Variants in SH3BP5 observed in about 807,000 individuals in gnomAD.
SH3BP5 encodes the protein SH3 domain binding protein 5.
A neutral mutation model predicts 43.3 loss-of-function variants in SH3BP5; 22 were observed. The ratio of observed to expected loss-of-function variants is 0.51; its 90% CI spans 0.36 to 0.73. The LOEUF (loss-of-function observed/expected upper bound fraction) is 0.73, where lower values mean the gene tolerates loss of function less well. SH3BP5 is among the 30% of genes least tolerant of loss of function. The probability of loss-of-function intolerance (pLI) is 0.00; values close to 1 mark genes in which losing one functional copy is unlikely to be tolerated. For missense variants in SH3BP5, 529 were observed against 586.9 expected (o/e 0.90, Z 1.02); for synonymous variants, 255 against 225.8 (o/e 1.13, Z -1.16).
intron 2 of SH3BP5, among the ~76,000 whole-genome samples, chr3:15,324,726 T>A (rs979585961): frequency 1.3e-5 from 2 of 152,034 alleles, no homozygotes; most frequent in Non-Finnish European, 2.9e-5. Flanking sequence ...TGTCCTTTGA[T>A]AGAGGAATTT....
chr3:15,332,536 C>G lies in SH3BP5; in HGVS notation c.-128G>C, dbSNP rs1434978791. On this transcript the variant is annotated 5_prime_UTR_variant, in exon 1 of 9. Transcript: ENST00000383791. The stretch of plus-strand genomic sequence containing the variant: ...TCGGGGAGCCGCCGGGGCCGACACC[C>G]GGGAGACGCAGCTCGCCGATGCGGA... 1.6e-6 allele frequency: 2 copies of G among 1,244,082 alleles called. No homozygotes were observed. The highest frequency in any genetic ancestry group is 2.0e-6 in the Non-Finnish European group (2 of 996,802). The allele number at this position is 1,244,082 out of a possible 1,614,324, so 77.1% of individuals were successfully genotyped here.
At chr3:15,265,512 T>TCTCACACACACA (rs1318765546) in intron 4 of SH3BP5, among the ~76,000 whole-genome samples, 33 of 107,988 alleles carry the variant, frequency 3.1e-4, no homozygotes, top group Middle Eastern at 4.6e-3. Flanking sequence ...CGAGACTCCG[T>TCTCACACACACA]CACACACACA....
At chr3:15,256,657 A>G in intron 8 of SH3BP5, 196 bp downstream of exon 8, 4 of 638,506 alleles carry the variant, frequency 6.3e-6, no homozygotes, top group Non-Finnish European at 1.1e-5. Flanking sequence ...TACTTTATAG[A>G]AGCTGAGTGG....
chr3:15,283,128 T>A lies in SH3BP5; in HGVS notation c.331-13251A>T, dbSNP rs1967596. Among the ~76,000 whole-genome samples the A allele has an allele frequency of 1.8e-4, 27 of 152,342 alleles. No homozygotes were observed. The South Asian group carries it at 5.6e-3, about 32-fold the overall frequency. On this transcript the variant is annotated intron_variant, in intron 3 of 8. Coordinates refer to ENST00000383791, the MANE Select transcript of SH3BP5 (RefSeq NM_004844.5). ...AAAAGTAAAACAAGACCAGGTGCGGTGGCTCACGCCTGTAATCTCAGCACT... is the reference window on the plus strand; with the variant it reads ...AAAAGTAAAACAAGACCAGGTGCGGAGGCTCACGCCTGTAATCTCAGCACT...
At chr3:15,269,634 A>G in intron 4 of SH3BP5, 79 bp downstream of exon 4, 2 of 1,417,488 alleles carry the variant, frequency 1.4e-6, no homozygotes, top group Admixed American at 2.5e-5. Flanking sequence ...CTGGGAGTCG[A>G]GTCTGTTACC....
chr3:15,336,446 T>C (rs180799761), upstream of SH3BP5, among the ~76,000 whole-genome samples: 295 of 152,228 alleles, frequency 1.9e-3, 4 homozygotes, highest in Non-Finnish European at 6.9e-4. Context: ...TCGGTGGACA[T>C]TGAGGAGCTA....
chr3:15,320,640 A>ACACACACACACACACACACCCC (rs373879792), intron 2 of SH3BP5, among the ~76,000 whole-genome samples: 2 of 149,678 alleles, frequency 1.3e-5, no homozygotes, highest in East Asian at 2.0e-4. Context: ...ACACACACAC[A>ACACACACACACACACACACCCC]CCCCACTACG....
At chr3:15,312,087 T>C (rs1698073979) in intron 2 of SH3BP5, among the ~76,000 whole-genome samples, 1 of 152,202 alleles carries the variant, frequency 6.6e-6, no homozygotes, top group Admixed American at 6.5e-5. Flanking sequence ...TCAAGGAGTC[T>C]GCAAGATGGA....
At chr3:15,288,519 A>G (rs1575313374) in intron 3 of SH3BP5, among the ~76,000 whole-genome samples, 2 of 152,338 alleles carry the variant, frequency 1.3e-5, no homozygotes, top group East Asian at 3.9e-4. Context: ...ACACTTTGGG[A>G]GGCTGAAGTG....
upstream of SH3BP5, among the ~76,000 whole-genome samples, chr3:15,336,966 T>C (rs1698707033): frequency 1.3e-5 from 2 of 152,270 alleles, no homozygotes; most frequent in African/African-American, 4.8e-5. Flanking sequence ...ATCCCAACCC[T>C]GGTTCAATCC....
At chr3:15,304,914 A>G (rs951649413) in intron 2 of SH3BP5, among the ~76,000 whole-genome samples, 5 of 151,402 alleles carry the variant, frequency 3.3e-5, no homozygotes, top group African/African-American at 1.2e-4. Flanking sequence ...TGGGGGAGAT[A>G]TCGGTAGGAT....
rs560352618 is a variant in SH3BP5, at chr3:15,323,412, C to A, written c.201+7092G>T. Among the ~76,000 whole-genome samples the A allele has an allele frequency of 1.5e-3, 230 of 152,312 alleles. 1 individual carries two copies. The highest frequency in any genetic ancestry group is 4.9e-3 in the African/African-American group (205 of 41,576). The stretch of plus-strand genomic sequence containing the variant: ...GGCCCCAGTGGACATCTCATTGGAA[C>A]CTTCTCTGTTTGCAGCGCCCAGCGG... On this transcript the variant is annotated intron_variant, in intron 2 of 8. Coordinates refer to ENST00000383791, the MANE Select transcript of SH3BP5 (RefSeq NM_004844.5).
At chr3:15,332,735 G>A, upstream of SH3BP5, 1 of 916,124 alleles carries the variant, frequency 1.1e-6, no homozygotes. Context: ...TCTCCAAGGT[G>A]GCAAAATAGG....
intron 3 of SH3BP5, among the ~76,000 whole-genome samples, 199 bp from the exon 4 acceptor site, chr3:15,270,076 G>A (rs1207947207): frequency 6.6e-6 from 1 of 152,226 alleles, no homozygotes; most frequent in East Asian, 1.9e-4. Context: ...AAATCAGTGA[G>A]CGAACAATTT....
chr3:15,332,324 C>T lies in SH3BP5; in HGVS notation c.85G>A (p.Glu29Lys). ...PARDEEEEEE[E>K]GMEQGLEEEE... ...TCCTCCAGCCCCTGCTCCATCCCCTCTTCCTCCTCCTCCTCCTCGTCCCGG... is the reference window on the plus strand; with the variant it reads ...TCCTCCAGCCCCTGCTCCATCCCCTTTTCCTCCTCCTCCTCCTCGTCCCGG... Residue 29 changes from glutamate (E) to lysine (K), a missense_variant, in exon 1 of 9, where the codon GAG (glutamate) becomes AAG (lysine). By Grantham distance (56) the Glu-to-Lys change is moderately conservative. Coordinates refer to ENST00000383791, the MANE Select transcript of SH3BP5 (RefSeq NM_004844.5). 6.5e-7 allele frequency: 1 copy of T among 1,546,498 alleles called. No individual in the cohort carries two copies. Among genetic ancestry groups the T allele is most frequent in the Non-Finnish European group, 8.7e-7 (1 of 1,149,096 alleles).
At chr3:15,306,061 A>G (rs1697895255) in intron 2 of SH3BP5, among the ~76,000 whole-genome samples, 1 of 151,678 alleles carries the variant, frequency 6.6e-6, no homozygotes, top group Admixed American at 6.6e-5. Flanking sequence ...GTTTAAAAAA[A>G]AAAGAGAAAT....
intron 2 of SH3BP5, among the ~76,000 whole-genome samples, chr3:15,305,836 G>A (rs1697887789): frequency 6.6e-6 from 1 of 151,884 alleles, no homozygotes; most frequent in Admixed American, 6.6e-5. Flanking sequence ...AGGCAAAGAA[G>A]GACTGTGCAA....
chr3:15,332,526 G>A lies in SH3BP5; in HGVS notation c.-118C>T, dbSNP rs1322613017. The A allele has an allele frequency of 8.0e-7, 1 of 1,251,070 alleles. No individual in the cohort carries two copies. The highest frequency in any genetic ancestry group is 1.6e-5 in the African/African-American group (1 of 63,640). The allele number at this position is 1,251,070 out of a possible 1,614,324, so 77.5% of individuals were successfully genotyped here. A position where few individuals can be genotyped will look rare whatever the true frequency, so the allele number is the denominator to read the frequency against. On this transcript the variant is annotated 5_prime_UTR_variant, in exon 1 of 9. Coordinates refer to ENST00000383791, the MANE Select transcript of SH3BP5 (RefSeq NM_004844.5). Reference sequence around the variant, plus strand: ...CCGGGCACGGTCGGGGAGCCGCCGGGGCCGACACCCGGGAGACGCAGCTCG... The same window carrying A: ...CCGGGCACGGTCGGGGAGCCGCCGGAGCCGACACCCGGGAGACGCAGCTCG...
intron 3 of SH3BP5, among the ~76,000 whole-genome samples, chr3:15,294,401 T>C (rs1401215371): frequency 1.3e-5 from 2 of 150,818 alleles, no homozygotes; most frequent in African/African-American, 4.9e-5. Context: ...ATACAAAGAG[T>C]GTTGAAATTA....
Sources: gnomAD v4.1 joint callset for allele counts (sites outside exome capture counted in the v4.1 genomes callset) on GRCh38, gnomAD v4.1.1 for gene constraint, MANE v1.5 for transcripts, NCBI Gene and HGNC (gene_info 2026-07-23, HGNC 2026-07-21) for gene names.